FIGN: variants seen among roughly 807,000 people sequenced by gnomAD.
The protein encoded by FIGN is fidgetin, microtubule severing factor.
FIGN carries 11 observed loss-of-function variants against 51.3 expected under a neutral mutation model. That is an observed-to-expected ratio of 0.21 (90% confidence interval 0.13 to 0.35). The LOEUF (loss-of-function observed/expected upper bound fraction) is 0.35, where lower values mean the gene tolerates loss of function less well. Among genes scored for constraint, FIGN ranks in the 10% least tolerant of loss-of-function variants. The pLI, the probability that FIGN is intolerant of heterozygous loss-of-function variation, is 1.00. For synonymous variants in FIGN, 407 were observed against 363.2 expected, an observed-to-expected ratio of 1.12 and a Z score of -1.37; for missense variants, 857 against 943.6, an observed-to-expected ratio of 0.91 and a Z score of 1.20.
rs60276598 is a variant in FIGN at position 163,652,361 on chromosome 2, A to AACACACACAC, written c.26-40565_26-40556dup. ...ATTAACCAACACACACACACACACA[A>AACACACACAC]ACACACACACACACACACACACACA... On this transcript the variant is annotated intron_variant, in intron 2 of 2. Transcript: ENST00000333129. 9.8e-4 allele frequency among the ~76,000 whole-genome samples: 136 copies of AACACACACAC among 139,448 alleles called. 1 individual carries two copies. Among genetic ancestry groups the AACACACACAC allele is most frequent in the Middle Eastern group, 3.9e-3 (1 of 256 alleles). The allele number at this position is 139,448 out of a possible 152,430, so 91.5% of individuals were successfully genotyped here.
At chr2:163,645,569 A>C (rs1269694251) in intron 2 of FIGN, among the ~76,000 whole-genome samples, 1 of 152,174 alleles carries the variant, frequency 6.6e-6, no homozygotes, top group Non-Finnish European at 1.5e-5. Context: ...CCACAGTGAT[A>C]CAGGGCTTAA....
At chr2:163,644,768 G>A (rs1384971919) in intron 2 of FIGN, among the ~76,000 whole-genome samples, 3 of 152,164 alleles carry the variant, frequency 2.0e-5, no homozygotes, top group African/African-American at 7.2e-5. Flanking sequence ...ACTGGCACAT[G>A]TTAAAACCTG....
intron 2 of FIGN, among the ~76,000 whole-genome samples, chr2:163,679,726 A>G (rs879320408): frequency 3.3e-5 from 5 of 152,202 alleles, no homozygotes; most frequent in Admixed American, 6.5e-5. Context: ...CACATGATTT[A>G]AGATACTATT....
intron 2 of FIGN, among the ~76,000 whole-genome samples, chr2:163,653,304 C>A (rs1683507088): frequency 6.6e-6 from 1 of 151,898 alleles, no homozygotes. Context: ...CATGCTCCAC[C>A]CATGCTACAC....
chr2:163,677,916 C>T (rs755491928), intron 2 of FIGN, among the ~76,000 whole-genome samples: 3 of 152,094 alleles, frequency 2.0e-5, no homozygotes, highest in Non-Finnish European at 2.9e-5. Flanking sequence ...TACTGAATAA[C>T]GCAATGGGGT....
intron 2 of FIGN, among the ~76,000 whole-genome samples, chr2:163,639,825 T>G (rs567474889): frequency 1.8e-4 from 27 of 152,340 alleles, no homozygotes; most frequent in Admixed American, 1.4e-3. Context: ...ATATTCCTTT[T>G]GTACCTTTTC....
intron 1 of FIGN, among the ~76,000 whole-genome samples, chr2:163,735,363 G>C (rs1684998100): frequency 6.6e-6 from 1 of 152,036 alleles, no homozygotes; most frequent in Admixed American, 6.6e-5. Context: ...CCGATCTTCT[G>C]ACATTTTCTC....
At position 163,719,161 on chromosome 2, in the gene FIGN, C is replaced by A. The variant is rs73974384; in HGVS notation, c.25+15742G>T. Among the ~76,000 whole-genome samples the A allele has an allele frequency of 1.6e-3, 242 of 152,224 alleles. 1 individual carries two copies. The highest frequency in any genetic ancestry group is 5.7e-3 in the African/African-American group (235 of 41,530). On this transcript the variant is annotated intron_variant, in intron 2 of 2. Coordinates refer to ENST00000333129, the MANE Select transcript of FIGN (RefSeq NM_018086.4). ...TGTACAATGAAGAAAACCACGATTC[C>A]GATCTGAAGCCTACATACTTTTACA...
intron 2 of FIGN, among the ~76,000 whole-genome samples, chr2:163,709,891 G>C (rs1375636141): frequency 6.6e-6 from 1 of 152,108 alleles, no homozygotes; most frequent in Non-Finnish European, 1.5e-5. Context: ...GATGTAAACT[G>C]TTATTTATTT....
intron 2 of FIGN, among the ~76,000 whole-genome samples, chr2:163,644,170 A>G (rs1683348867): frequency 6.6e-6 from 1 of 152,148 alleles, no homozygotes; most frequent in Non-Finnish European, 1.5e-5. Flanking sequence ...GAAAATATTT[A>G]CAAATCATAT....
chr2:163,634,958 G>T (rs115371325), intron 2 of FIGN, among the ~76,000 whole-genome samples: 1,796 of 152,102 alleles, frequency 0.012, 44 homozygotes, highest in African/African-American at 0.041. Context: ...AAACAAGAAA[G>T]AAAATAATTT....
chr2:163,630,252 C>T (rs1370122837), intron 2 of FIGN, among the ~76,000 whole-genome samples: 1 of 151,944 alleles, frequency 6.6e-6, no homozygotes, highest in African/African-American at 2.4e-5. Flanking sequence ...AGGCATGAGC[C>T]ACTGCACCCA....
intron 2 of FIGN, among the ~76,000 whole-genome samples, chr2:163,721,675 T>A (rs1032942681): frequency 1.3e-5 from 2 of 152,172 alleles, no homozygotes; most frequent in African/African-American, 2.4e-5. Flanking sequence ...GATACTTTCT[T>A]CTGCGTAGAG....
chr2:163,660,984 A>G (rs1294167518), intron 2 of FIGN, among the ~76,000 whole-genome samples: 1 of 137,134 alleles, frequency 7.3e-6, no homozygotes. Flanking sequence ...CCCAGGTTCA[A>G]GTGATTCTCC....
At chr2:163,702,180 TA>T (rs1276425665) in intron 2 of FIGN, among the ~76,000 whole-genome samples, 1 of 152,158 alleles carries the variant, frequency 6.6e-6, no homozygotes, top group East Asian at 1.9e-4. Flanking sequence ...TGATCCTCAC[TA>T]AATACTGGCC....
At chr2:163,640,066 G>A (rs898811201) in intron 2 of FIGN, among the ~76,000 whole-genome samples, 1 of 152,086 alleles carries the variant, frequency 6.6e-6, no homozygotes, top group Admixed American at 6.6e-5. Flanking sequence ...TTGTACATGT[G>A]TACAGGAACT....
At chr2:163,638,172 C>T (rs923134771) in intron 2 of FIGN, among the ~76,000 whole-genome samples, 3 of 151,938 alleles carry the variant, frequency 2.0e-5, no homozygotes, top group South Asian at 2.1e-4. Flanking sequence ...GGAATCCTGC[C>T]GTGGTCTTGC....
chr2:163,643,931 T>TAAAAAAAAAA (rs1683343485), intron 2 of FIGN, among the ~76,000 whole-genome samples: 1 of 2,606 alleles, frequency 3.8e-4, no homozygotes, highest in Non-Finnish European at 1.4e-3. Flanking sequence ...AAACTCTGTC[T>TAAAAAAAAAA]CAAAAAAAAA....
intron 2 of FIGN, among the ~76,000 whole-genome samples, chr2:163,645,370 G>GGTAGAGAGGTTTT (rs919260985): frequency 3.9e-5 from 6 of 152,186 alleles, no homozygotes; most frequent in Non-Finnish European, 8.8e-5. Context: ...GGGTAGAATG[G>GGTAGAGAGGTTTT]GGGAAAAACC....
Sources: gnomAD v4.1 joint callset for allele counts (sites outside exome capture counted in the v4.1 genomes callset) on GRCh38, gnomAD v4.1.1 for gene constraint, MANE v1.5 for transcripts, NCBI Gene and HGNC (gene_info 2026-07-23, HGNC 2026-07-21) for gene names.